The following PNLIPRP3 variants were observed in gnomAD, a reference collection of about 807,000 sequenced individuals.
PNLIPRP3 encodes the protein pancreatic lipase-related protein 3.
In PNLIPRP3, 58 loss-of-function variants were observed where a neutral mutation model predicts 52.8. The observed-to-expected ratio is 1.10, with a 90% CI of 0.89 to 1.37. The LOEUF (loss-of-function observed/expected upper bound fraction) is 1.37, where lower values mean the gene tolerates loss of function less well. PNLIPRP3 is among the 40% of genes most tolerant of loss of function. PNLIPRP3 has a pLI of 0.00. For synonymous variants in PNLIPRP3, 192 were observed against 185.0 expected, an observed-to-expected ratio of 1.04 and a Z score of -0.31; for missense variants, 593 against 561.6, an observed-to-expected ratio of 1.06 and a Z score of -0.57.
chr10:116,453,751 G>A (rs1435566001), intron 4 of PNLIPRP3, among the ~76,000 whole-genome samples: 1 of 152,084 alleles, frequency 6.6e-6, no homozygotes, highest in East Asian at 1.9e-4. Context: ...ATGATTCTAA[G>A]CTCCCTGAGG....
intron 5 of PNLIPRP3, among the ~76,000 whole-genome samples, chr10:116,459,777 TC>T (rs1471284593): frequency 1.3e-5 from 2 of 152,178 alleles, no homozygotes; most frequent in Non-Finnish European, 2.9e-5. Flanking sequence ...CTTTTCTTTT[TC>T]TTTTTTTGAG....
intron 2 of PNLIPRP3, 121 bp from the exon 3 acceptor site, chr10:116,442,934 A>T: frequency 1.6e-6 from 1 of 621,946 alleles, no homozygotes; most frequent in Non-Finnish European, 2.3e-6. Flanking sequence ...AAAATATATT[A>T]AAGAAGGTTG....
intron 4 of PNLIPRP3, 84 bp from the exon 5 acceptor site, chr10:116,455,638 C>CT (rs34077637): frequency 0.72 from 495,341 of 686,856 alleles, 156,638 homozygotes; most frequent in Non-Finnish European, 0.74. Context: ...CATGTTGATC[C>CT]TTTTTTTTTT....
chr10:116,450,402 C>T (rs1846017538), intron 4 of PNLIPRP3, among the ~76,000 whole-genome samples: 1 of 151,840 alleles, frequency 6.6e-6, no homozygotes, highest in Non-Finnish European at 1.5e-5. Flanking sequence ...TACCCCTGAA[C>T]TAGATAAAGG....
chr10:116,461,832 A>G (rs1281510699), intron 7 of PNLIPRP3, among the ~76,000 whole-genome samples: 2 of 152,202 alleles, frequency 1.3e-5, no homozygotes, highest in African/African-American at 4.8e-5. Context: ...AGTTAGCCTT[A>G]TAGACACCAA....
chr10:116,429,525 G>T (rs1162728213), intron 1 of PNLIPRP3, among the ~76,000 whole-genome samples: 1 of 152,174 alleles, frequency 6.6e-6, no homozygotes, highest in East Asian at 1.9e-4. Context: ...CTAGCTTGTG[G>T]AATTGGCCAA....
intron 4 of PNLIPRP3, among the ~76,000 whole-genome samples, chr10:116,450,667 TATAA>T (rs1351052129): frequency 2.0e-5 from 3 of 152,058 alleles, no homozygotes; most frequent in Non-Finnish European, 4.4e-5. Flanking sequence ...ATGAGACTAG[TATAA>T]ATAATTACAC....
intron 2 of PNLIPRP3, among the ~76,000 whole-genome samples, chr10:116,438,480 C>T (rs1845809250): frequency 6.6e-6 from 1 of 152,206 alleles, no homozygotes; most frequent in African/African-American, 2.4e-5. Flanking sequence ...TAGCTCTCTA[C>T]TCACCAGACA....
intron 4 of PNLIPRP3, among the ~76,000 whole-genome samples, chr10:116,451,451 G>A (rs767519450): frequency 2.6e-5 from 4 of 152,140 alleles, no homozygotes; most frequent in East Asian, 1.9e-4. Flanking sequence ...CTTTGGATGC[G>A]TGTCCCCTCC....
intron 2 of PNLIPRP3, chr10:116,439,914 C>T (rs1396636880): frequency 3.5e-6 from 3 of 861,840 alleles, no homozygotes; most frequent in South Asian, 2.6e-5. Context: ...TCTCAGAGCG[C>T]TTCTTGGAAA....
rs191908342 is a variant in PNLIPRP3 at position 116,464,703 on chromosome 10, G to A, written c.809-1347G>A. Among the ~76,000 whole-genome samples the A allele has an allele frequency of 6.6e-5, 10 of 152,354 alleles. No homozygotes were observed. The East Asian group carries it at 1.5e-3, about 24-fold the overall frequency. ...TGGCAGGAACCACGCAGCCCCAAAG[G>A]GGGTGTTACATACAGCATGTTACAG... On this transcript the variant is annotated intron_variant, in intron 7 of 11. Coordinates refer to ENST00000369230, the MANE Select transcript of PNLIPRP3 (RefSeq NM_001011709.3).
chr10:116,463,656 T>C (rs944342008), intron 7 of PNLIPRP3, among the ~76,000 whole-genome samples: 1 of 152,138 alleles, frequency 6.6e-6, no homozygotes, highest in Non-Finnish European at 1.5e-5. Context: ...GAAGGAATGG[T>C]TACATAATAC....
At chr10:116,466,000 T>C (rs1846276603) in intron 7 of PNLIPRP3, 50 bp from the exon 8 acceptor site, 3 of 1,312,686 alleles carry the variant, frequency 2.3e-6, no homozygotes, top group Non-Finnish European at 3.3e-6. Context: ...TGGTTTATGC[T>C]ACCAGTTATC....
intron 10 of PNLIPRP3, among the ~76,000 whole-genome samples, chr10:116,473,284 T>C (rs1349092098): frequency 6.6e-6 from 1 of 152,244 alleles, no homozygotes; most frequent in Non-Finnish European, 1.5e-5. Flanking sequence ...AAACAAGTTT[T>C]ATAAGTCCAG....
chr10:116,439,579 C>G, intron 2 of PNLIPRP3: 1 of 816,904 alleles, frequency 1.2e-6, no homozygotes, highest in Non-Finnish European at 2.1e-6. Flanking sequence ...TTATAGTCAG[C>G]AACATCCTTC....
intron 2 of PNLIPRP3, among the ~76,000 whole-genome samples, chr10:116,441,646 C>G (rs1381074149): frequency 6.6e-6 from 1 of 152,120 alleles, no homozygotes; most frequent in African/African-American, 2.4e-5. Flanking sequence ...GGTTTGGGCC[C>G]TATCAGCAGA....
chr10:116,473,493 T>TA (rs1846406921), intron 10 of PNLIPRP3, among the ~76,000 whole-genome samples: 2 of 152,112 alleles, frequency 1.3e-5, no homozygotes, highest in African/African-American at 2.4e-5. Context: ...AATAAGACCA[T>TA]TATATAAGTT....
intron 7 of PNLIPRP3, among the ~76,000 whole-genome samples, chr10:116,464,402 T>G (rs892457415): frequency 1.3e-5 from 2 of 152,230 alleles, no homozygotes; most frequent in Admixed American, 6.5e-5. Flanking sequence ...TGCCTCTGCT[T>G]GAGTTTCACT....
At chr10:116,431,665 G>A (rs1035005450) in intron 1 of PNLIPRP3, among the ~76,000 whole-genome samples, 1 of 152,080 alleles carries the variant, frequency 6.6e-6, no homozygotes, top group African/African-American at 2.4e-5. Flanking sequence ...ACTAGTTACT[G>A]CAAACTAGAA....
Sources: allele counts gnomAD v4.1 joint callset (sites outside exome capture counted in the v4.1 genomes callset), GRCh38; gene constraint gnomAD v4.1.1; transcripts MANE v1.5; gene names NCBI Gene and HGNC (gene_info 2026-07-23, HGNC 2026-07-21).